The following STARD13 variants were observed in gnomAD, a reference collection of about 807,000 sequenced individuals.
STARD13 encodes stAR-related lipid transfer protein 13.
STARD13 carries 62 observed loss-of-function variants against 106.4 expected under a neutral mutation model. That is an observed-to-expected ratio of 0.58 (90% CI 0.48 to 0.72). STARD13 has a LOEUF of 0.72. STARD13 is among the 30% of genes least tolerant of loss of function. The pLI is 0.00. For missense variants in STARD13, 1,387 were observed against 1,424.0 expected (o/e 0.97, Z 0.42); for synonymous variants, 565 against 553.0 (o/e 1.02, Z -0.31).
the STARD13 span, among the ~76,000 whole-genome samples, chr13:33,388,616 T>G: frequency 6.6e-6 from 1 of 152,214 alleles, no homozygotes; most frequent in Non-Finnish European, 1.5e-5. Flanking sequence ...TGTCATCCAT[T>G]TGGAAGTCAG....
the STARD13 span, among the ~76,000 whole-genome samples, chr13:33,647,476 C>A: frequency 1.3e-5 from 2 of 152,176 alleles, no homozygotes; most frequent in Admixed American, 1.3e-4. Context: ...GCAGCCCCTT[C>A]CCCTCCCTGC....
At chr13:33,638,647 C>T in the STARD13 span, among the ~76,000 whole-genome samples, 1 of 152,140 alleles carries the variant, frequency 6.6e-6, no homozygotes. Flanking sequence ...TCTTTTCTAT[C>T]AGTCTTAAGG....
the STARD13 span, among the ~76,000 whole-genome samples, chr13:33,546,257 G>A: frequency 6.6e-6 from 1 of 152,108 alleles, no homozygotes; most frequent in Non-Finnish European, 1.5e-5. Flanking sequence ...GTAAATGGAT[G>A]TATAATGAAT....
chr13:33,642,777 A>G, the STARD13 span, among the ~76,000 whole-genome samples: 4 of 151,668 alleles, frequency 2.6e-5, no homozygotes, highest in South Asian at 8.4e-4. Context: ...AGGCCGGATG[A>G]CAGTGGGGGC....
the STARD13 span, among the ~76,000 whole-genome samples, chr13:33,386,554 C>A: frequency 6.6e-6 from 1 of 152,120 alleles, no homozygotes; most frequent in Non-Finnish European, 1.5e-5. Flanking sequence ...CTCAAGGTGA[C>A]CTCCTCTGGG....
chr13:33,287,056 G>A (rs1415245193), upstream of STARD13, among the ~76,000 whole-genome samples: 2 of 152,082 alleles, frequency 1.3e-5, no homozygotes, highest in African/African-American at 2.4e-5. Flanking sequence ...AAAGAATAAA[G>A]TTCTTTGATA....
At chr13:33,400,243 T>C in the STARD13 span, among the ~76,000 whole-genome samples, 2 of 152,236 alleles carry the variant, frequency 1.3e-5, no homozygotes, top group Non-Finnish European at 2.9e-5. Flanking sequence ...TATGTGTTAC[T>C]TATTTCATTT....
chr13:33,570,227 C>T, the STARD13 span, among the ~76,000 whole-genome samples: 33 of 147,624 alleles, frequency 2.2e-4, 5 homozygotes, highest in Admixed American at 2.0e-3. Context: ...TGAAAGAGCA[C>T]GGGGGAGGAA....
chr13:33,465,892 A>G, the STARD13 span, among the ~76,000 whole-genome samples: 1 of 152,244 alleles, frequency 6.6e-6, no homozygotes, highest in Non-Finnish European at 1.5e-5. Flanking sequence ...AGTAGACATT[A>G]TCAAAAAAGT....
chr13:33,604,612 T>C, the STARD13 span, among the ~76,000 whole-genome samples: 1 of 151,754 alleles, frequency 6.6e-6, no homozygotes, highest in Non-Finnish European at 1.5e-5. Context: ...GCCTGGCCAA[T>C]ATAGCAAAAC....
chr13:33,521,092 C>T, the STARD13 span, among the ~76,000 whole-genome samples: 1 of 152,194 alleles, frequency 6.6e-6, no homozygotes, highest in African/African-American at 2.4e-5. Context: ...GGGAACGACT[C>T]GAGCTGGGAG....
the STARD13 span, among the ~76,000 whole-genome samples, chr13:33,602,919 C>T: frequency 1.3e-5 from 2 of 152,272 alleles, no homozygotes; most frequent in East Asian, 1.9e-4. Context: ...TTGTCTTCCA[C>T]GAAACTAGGC....
At chr13:33,220,694 A>G (rs1006233479) in intron 1 of STARD13, among the ~76,000 whole-genome samples, 1 of 151,396 alleles carries the variant, frequency 6.6e-6, no homozygotes, top group African/African-American at 2.5e-5. Flanking sequence ...TCCATCTCAA[A>G]AAATAAATAA....
chr13:33,670,480 T>C, the STARD13 span, among the ~76,000 whole-genome samples: 1,689 of 152,326 alleles, frequency 0.011, 38 homozygotes, highest in African/African-American at 0.039. Flanking sequence ...ATTCTTCCAA[T>C]GAGGGCTTGT....
chr13:33,151,091 G>A (rs190075638), intron 3 of STARD13, among the ~76,000 whole-genome samples: 1 of 152,050 alleles, frequency 6.6e-6, no homozygotes, highest in East Asian at 1.9e-4. Context: ...GCATACCTAT[G>A]ATGGATTAAG....
chr13:33,105,890 G>A (rs1233886952), intron 13 of STARD13, among the ~76,000 whole-genome samples, 180 bp from the exon 14 acceptor site: 1 of 152,238 alleles, frequency 6.6e-6, no homozygotes, highest in East Asian at 1.9e-4. Flanking sequence ...AAACGTCCTG[G>A]CTGCTAAGTA....
At chr13:33,434,575 TG>T in the STARD13 span, among the ~76,000 whole-genome samples, 2 of 152,122 alleles carry the variant, frequency 1.3e-5, no homozygotes, top group Non-Finnish European at 2.9e-5. Flanking sequence ...TCTTGGCTCA[TG>T]AAAGCTCTCA....
intron 1 of STARD13, among the ~76,000 whole-genome samples, chr13:33,175,141 C>G (rs1367105068): frequency 1.3e-5 from 2 of 152,210 alleles, no homozygotes; most frequent in Non-Finnish European, 2.9e-5. Flanking sequence ...CAAATAGTTT[C>G]TGACCAGATT....
rs571368523 is a variant in STARD13, at chr13:33,320,655, C to T, written c.124+29635G>A. 2.0e-5 allele frequency among the ~76,000 whole-genome samples: 3 copies of T among 152,136 alleles called. No homozygotes were observed. In the East Asian group the frequency reaches 5.8e-4, roughly 29 times the overall value. ...TATTTCTCTAAATCATATTTCTACC[C>T]ACAGATATTTTTTAAATGAATAAAA... is the stretch of plus-strand genomic sequence containing the variant. On this transcript the variant is annotated intron_variant, in intron 1 of 5. Transcript: ENST00000567873.
Sources: gnomAD v4.1 joint callset for allele counts (sites outside exome capture counted in the v4.1 genomes callset) on GRCh38, gnomAD v4.1.1 for gene constraint, MANE v1.5 for transcripts, NCBI Gene and HGNC (gene_info 2026-07-23, HGNC 2026-07-21) for gene names.